CTNNA3: variants seen among roughly 807,000 people sequenced by gnomAD.
CTNNA3 encodes catenin alpha-3.
Under a neutral mutation model 95.7 loss-of-function variants are expected in CTNNA3, and 76 were observed. The ratio of observed to expected loss-of-function variants is 0.79; its 90% CI spans 0.66 to 0.96. The LOEUF is 0.96. CTNNA3 is among the 40% of genes least tolerant of loss of function. The pLI, the probability that CTNNA3 is intolerant of heterozygous loss-of-function variation, is 0.00. For synonymous variants in CTNNA3, 431 were observed against 374.4 expected, an observed-to-expected ratio of 1.15 and a Z score of -1.74; for missense variants, 1,191 against 1,089.8, an observed-to-expected ratio of 1.09 and a Z score of -1.31.
intron 7 of CTNNA3, among the ~76,000 whole-genome samples, chr10:66,934,841 T>C (rs941779906): frequency 3.9e-5 from 6 of 152,106 alleles, no homozygotes; most frequent in Admixed American, 2.0e-4. Context: ...TCACATCAAT[T>C]ACATCTATGC....
chr10:67,264,200 A>G (rs1159350257), intron 5 of CTNNA3, among the ~76,000 whole-genome samples: 1 of 152,144 alleles, frequency 6.6e-6, no homozygotes, highest in African/African-American at 2.4e-5. Flanking sequence ...ATTTTTAAGC[A>G]GCAGCAGCTC....
At chr10:66,407,770 G>A (rs923916625) in intron 11 of CTNNA3, among the ~76,000 whole-genome samples, 6 of 151,960 alleles carry the variant, frequency 3.9e-5, no homozygotes, top group Non-Finnish European at 5.9e-5. Context: ...TAATAGAGAC[G>A]GGGTTTCACC....
chr10:66,246,245 G>A (rs942089550), intron 13 of CTNNA3, among the ~76,000 whole-genome samples: 6 of 152,138 alleles, frequency 3.9e-5, no homozygotes, highest in African/African-American at 1.4e-4. Flanking sequence ...GGGCAGGGGG[G>A]CCTTCCTGGG....
chr10:66,377,600 T>C (rs2092804984), intron 12 of CTNNA3, among the ~76,000 whole-genome samples: 1 of 152,040 alleles, frequency 6.6e-6, no homozygotes, highest in Admixed American at 6.6e-5. Context: ...AGGCAAAATA[T>C]TAGTCCTCCT....
intron 12 of CTNNA3, among the ~76,000 whole-genome samples, chr10:66,330,645 C>T (rs1417734373): frequency 6.6e-6 from 1 of 152,076 alleles, no homozygotes; most frequent in Non-Finnish European, 1.5e-5. Context: ...GGAATCACCA[C>T]GCTGACTTCC....
intron 7 of CTNNA3, among the ~76,000 whole-genome samples, chr10:67,169,897 A>C (rs985013738): frequency 3.3e-5 from 5 of 152,220 alleles, no homozygotes; most frequent in Non-Finnish European, 7.4e-5. Flanking sequence ...GAAACTTATA[A>C]GCATCTATAA....
chr10:66,751,562 A>AT (rs1350283089), intron 9 of CTNNA3, among the ~76,000 whole-genome samples: 2 of 152,176 alleles, frequency 1.3e-5, no homozygotes. Flanking sequence ...GTCCATAGAC[A>AT]TTGTCTTCAT....
chr10:66,105,164 A>T lies in CTNNA3; in HGVS notation c.1885-1915T>A, dbSNP rs540492428. ...TTTATCTCCGTGTTGATCTCTTTGC[A>T]ATCCTTCTTTGCTGCAACTACATGC... On this transcript the variant is annotated intron_variant, in intron 13 of 17. Coordinates refer to ENST00000433211, the MANE Select transcript of CTNNA3 (RefSeq NM_013266.4). 2.6e-5 allele frequency among the ~76,000 whole-genome samples: 4 copies of T among 151,722 alleles called. No homozygotes were observed. The South Asian group carries it at 8.3e-4, about 32-fold the overall frequency.
intron 11 of CTNNA3, among the ~76,000 whole-genome samples, chr10:66,426,149 T>C (rs777182694): frequency 2.0e-5 from 3 of 152,124 alleles, no homozygotes; most frequent in East Asian, 1.9e-4. Flanking sequence ...TATTTACTAC[T>C]TAGAGCTATT....
At chr10:67,219,891 A>G in intron 5 of CTNNA3, 21 bp from the exon 6 acceptor site, 1 of 1,585,480 alleles carries the variant, frequency 6.3e-7, no homozygotes, top group Non-Finnish European at 8.6e-7. Context: ...AAATAAAAAG[A>G]GTGGTATCTT....
chr10:67,269,760 T>G (rs1050841035), intron 5 of CTNNA3, among the ~76,000 whole-genome samples: 1 of 152,128 alleles, frequency 6.6e-6, no homozygotes, highest in East Asian at 1.9e-4. Context: ...GTATTACCAA[T>G]CTGTTAATGT....
chr10:66,438,156 T>C (rs1701229940), intron 11 of CTNNA3, among the ~76,000 whole-genome samples: 2 of 152,160 alleles, frequency 1.3e-5, no homozygotes, highest in African/African-American at 4.8e-5. Flanking sequence ...AGGTGTTTCC[T>C]AGTCAGGAGG....
chr10:66,447,738 G>C (rs1200731721), intron 11 of CTNNA3, among the ~76,000 whole-genome samples: 2 of 151,958 alleles, frequency 1.3e-5, no homozygotes, highest in African/African-American at 4.8e-5. Context: ...AGAAAACCTA[G>C]GCAATACCAT....
At chr10:66,598,220 A>AT (rs1283132845) in intron 10 of CTNNA3, among the ~76,000 whole-genome samples, 2 of 152,144 alleles carry the variant, frequency 1.3e-5, no homozygotes, top group African/African-American at 2.4e-5. Flanking sequence ...TTCTTTTTTG[A>AT]TAAAAACTCT....
At chr10:67,160,364 T>A (rs1861482025) in intron 7 of CTNNA3, among the ~76,000 whole-genome samples, 1 of 151,676 alleles carries the variant, frequency 6.6e-6, no homozygotes, top group African/African-American at 2.4e-5. Context: ...CAATCCCGCA[T>A]TTGGGTTTAT....
intron 11 of CTNNA3, among the ~76,000 whole-genome samples, chr10:66,397,925 G>A (rs2092992261): frequency 6.6e-6 from 1 of 151,660 alleles, no homozygotes; most frequent in Non-Finnish European, 1.5e-5. Flanking sequence ...GAGTAGGGGT[G>A]GGGCAATTTT....
intron 5 of CTNNA3, among the ~76,000 whole-genome samples, chr10:67,438,542 CAACT>C (rs763605736): frequency 3.2e-4 from 49 of 152,286 alleles, no homozygotes; most frequent in Middle Eastern, 3.4e-3. Flanking sequence ...CAAATTTTAA[CAACT>C]AACTACACAC....
chr10:67,116,601 TA>T (rs1859200750), intron 7 of CTNNA3, among the ~76,000 whole-genome samples: 1 of 151,454 alleles, frequency 6.6e-6, no homozygotes, highest in Admixed American at 6.6e-5. Context: ...CAAGTGATAT[TA>T]GATAAAGTTT....
rs1198079957 is a variant in CTNNA3, at chr10:66,950,831, G to A, written c.1048-175307C>T. Among the ~76,000 whole-genome samples the A allele has an allele frequency of 2.6e-5, 4 of 152,252 alleles. No homozygotes were observed. The South Asian group carries it at 8.3e-4, about 32-fold the overall frequency. The stretch of plus-strand genomic sequence containing the variant: ...GTGAGGGGCATAGAGAGAGATTTTA[G>A]AGGCTTCGCACAGTGCAGGGAGTTT... On this transcript the variant is annotated intron_variant, in intron 7 of 17. Coordinates refer to ENST00000433211, the MANE Select transcript of CTNNA3 (RefSeq NM_013266.4).
Sources: gnomAD v4.1 joint callset for allele counts (sites outside exome capture counted in the v4.1 genomes callset) on GRCh38, gnomAD v4.1.1 for gene constraint, MANE v1.5 for transcripts, NCBI Gene and HGNC (gene_info 2026-07-23, HGNC 2026-07-21) for gene names.